Variants in FAM222A observed in about 807,000 individuals in gnomAD.
FAM222A encodes the protein protein FAM222A.
FAM222A carries 7 observed loss-of-function variants against 25.8 expected under a neutral mutation model. The ratio of observed to expected loss-of-function variants is 0.27; its 90% CI spans 0.15 to 0.51. The LOEUF (loss-of-function observed/expected upper bound fraction) is 0.51. Among genes scored for constraint, FAM222A ranks in the 20% least tolerant of loss-of-function variants. FAM222A has a pLI of 0.97. For missense variants in FAM222A, 573 were observed against 640.5 expected, an observed-to-expected ratio of 0.89 and a Z score of 1.14; for synonymous variants, 294 against 298.8, an observed-to-expected ratio of 0.98 and a Z score of 0.17.
intron 2 of FAM222A, among the ~76,000 whole-genome samples, chr12:109,749,906 C>T (rs754154440): frequency 3.3e-5 from 5 of 152,140 alleles, no homozygotes. Context: ...TTCTTAAAAC[C>T]TTTGCCAATC....
intron 1 of FAM222A, among the ~76,000 whole-genome samples, chr12:109,718,612 C>T (rs936646682): frequency 2.6e-5 from 4 of 152,210 alleles, no homozygotes; most frequent in Non-Finnish European, 5.9e-5. Flanking sequence ...TGTGTTAACC[C>T]ATTTGCGTGT....
intron 2 of FAM222A, among the ~76,000 whole-genome samples, chr12:109,745,303 A>G (rs893327529): frequency 6.6e-6 from 1 of 152,210 alleles, no homozygotes; most frequent in East Asian, 1.9e-4. Flanking sequence ...GAGCTTCCTC[A>G]TTCTTTCGCC....
intron 1 of FAM222A, chr12:109,743,838 G>A: frequency 1.0e-6 from 1 of 985,374 alleles, no homozygotes; most frequent in Non-Finnish European, 1.2e-6. Context: ...TGACCCAGAT[G>A]CCGAGCAGGG....
intron 2 of FAM222A, among the ~76,000 whole-genome samples, chr12:109,757,517 A>G (rs539250775): frequency 2.2e-4 from 33 of 152,360 alleles, no homozygotes; most frequent in Admixed American, 8.5e-4. Flanking sequence ...ACCATACCCA[A>G]AAAGGAATCC....
At chr12:109,755,552 C>G (rs1409610112) in intron 2 of FAM222A, among the ~76,000 whole-genome samples, 1 of 152,020 alleles carries the variant, frequency 6.6e-6, no homozygotes, top group Non-Finnish European at 1.5e-5. Flanking sequence ...GGTCTCAAAC[C>G]CACGACCTCC....
At chr12:109,715,888 C>T (rs767727073) in intron 1 of FAM222A, among the ~76,000 whole-genome samples, 18 of 152,204 alleles carry the variant, frequency 1.2e-4, no homozygotes, top group Non-Finnish European at 4.4e-5. Context: ...CAATAGGCTA[C>T]TTCTGCTGGG....
intron 1 of FAM222A, among the ~76,000 whole-genome samples, chr12:109,736,906 C>G (rs1402306202): frequency 1.3e-5 from 2 of 152,122 alleles, no homozygotes; most frequent in Non-Finnish European, 2.9e-5. Flanking sequence ...CTTCCTGAGG[C>G]CCACCCTGCC....
At chr12:109,747,173 A>G (rs1335314642) in intron 2 of FAM222A, among the ~76,000 whole-genome samples, 1 of 152,174 alleles carries the variant, frequency 6.6e-6, no homozygotes, top group Non-Finnish European at 1.5e-5. Flanking sequence ...GGCTCACTGA[A>G]GCCTCCGCCT....
intron 2 of FAM222A, among the ~76,000 whole-genome samples, chr12:109,759,441 C>G (rs931211786): frequency 1.3e-5 from 2 of 152,190 alleles, no homozygotes; most frequent in Non-Finnish European, 2.9e-5. Context: ...TGCCCTGCCC[C>G]CTCCTCAGCT....
At chr12:109,736,745 G>C (rs546249166) in intron 1 of FAM222A, among the ~76,000 whole-genome samples, 2 of 152,306 alleles carry the variant, frequency 1.3e-5, no homozygotes, top group African/African-American at 4.8e-5. Context: ...CATCGCAGTT[G>C]TCAGTTCCCA....
At chr12:109,719,774 G>A (rs891992257) in intron 1 of FAM222A, among the ~76,000 whole-genome samples, 8 of 152,122 alleles carry the variant, frequency 5.3e-5, no homozygotes, top group Non-Finnish European at 1.5e-5. Context: ...TTAGGAGGGT[G>A]TGCAGGGGGC....
intron 1 of FAM222A, among the ~76,000 whole-genome samples, chr12:109,729,939 G>A (rs116066196): frequency 0.018 from 2,715 of 152,362 alleles, 69 homozygotes; most frequent in African/African-American, 0.062. Flanking sequence ...ACCTGCCTGA[G>A]GCTGCACAGC....
At chr12:109,725,485 A>G (rs1011958945) in intron 1 of FAM222A, among the ~76,000 whole-genome samples, 32 of 129,698 alleles carry the variant, frequency 2.5e-4, no homozygotes, top group African/African-American at 9.0e-4. Context: ...GCGCCTTACC[A>G]ACTGTGTGTG....
intron 2 of FAM222A, among the ~76,000 whole-genome samples, chr12:109,745,907 CCTT>C (rs1447357829): frequency 2.0e-5 from 3 of 148,254 alleles, no homozygotes; most frequent in African/African-American, 7.4e-5. Context: ...CTCCTTGGCT[CCTT>C]TTTTTTTTTT....
intron 2 of FAM222A, among the ~76,000 whole-genome samples, chr12:109,750,010 TTTTTC>T (rs1382026197): frequency 3.3e-5 from 5 of 152,244 alleles, no homozygotes; most frequent in East Asian, 1.9e-4. Flanking sequence ...GAATGCCCTT[TTTTTC>T]TTTTAATAGG....
Position 109,768,742 on chromosome 12 carries a change from G to C in FAM222A, c.813G>C (p.Gly271=), listed in dbSNP as rs1437489061. Reference sequence around the variant, plus strand: ...CCACCCAAGCCTTGACGTTGGCTGGGGCCGCCAAGCCTGCAGGGTACGCAG... The same window carrying C: ...CCACCCAAGCCTTGACGTTGGCTGGCGCCGCCAAGCCTGCAGGGTACGCAG... ...QGATQALTLA[G]AAKPAGYADS... The change falls in exon 3 of 3, where the codon GGG becomes GGC. Residue 271 remains glycine (G), a synonymous_variant. Transcript: ENST00000538780. 23 of 1,578,978 alleles carry C rather than the reference G, an allele frequency of 1.5e-5. No individual in the cohort carries two copies. Among genetic ancestry groups the C allele is most frequent in the Non-Finnish European group, 2.0e-5 (23 of 1,166,956 alleles).
At chr12:109,753,700 G>GCCCCCCCCCCCCCCCCC (rs1888628188) in intron 2 of FAM222A, among the ~76,000 whole-genome samples, 1 of 149,702 alleles carries the variant, frequency 6.7e-6, no homozygotes. Flanking sequence ...CCAATTCCCA[G>GCCCCCCCCCCCCCCCCC]CCTCACCCCA....
intron 2 of FAM222A, among the ~76,000 whole-genome samples, chr12:109,747,410 G>GTATA (rs1888432461): frequency 6.6e-6 from 1 of 152,062 alleles, no homozygotes; most frequent in Non-Finnish European, 1.5e-5. Context: ...GTACATTTTA[G>GTATA]TATTTGGTAG....
At chr12:109,747,360 G>T (rs1311693659) in intron 2 of FAM222A, among the ~76,000 whole-genome samples, 1 of 152,174 alleles carries the variant, frequency 6.6e-6, no homozygotes, top group Non-Finnish European at 1.5e-5. Flanking sequence ...CTCCCAAAGT[G>T]GTAGGATTAC....
Sources: allele counts gnomAD v4.1 joint callset (sites outside exome capture counted in the v4.1 genomes callset), GRCh38; gene constraint gnomAD v4.1.1; transcripts MANE v1.5; gene names NCBI Gene and HGNC (gene_info 2026-07-23, HGNC 2026-07-21).